KGD4: variants seen among roughly 807,000 people sequenced by gnomAD.
The protein encoded by KGD4 is alpha-ketoglutarate dehydrogenase component 4.
the KGD4 span, among the ~76,000 whole-genome samples, chr5:69,219,855 T>C: frequency 6.6e-6 from 1 of 152,166 alleles, no homozygotes; most frequent in Non-Finnish European, 1.5e-5. Context: ...TGTGCTAATA[T>C]TATGTAATAA....
the KGD4 span, among the ~76,000 whole-genome samples, chr5:69,218,452 ATGTGTGTGTGTATATTAATG>A: frequency 7.1e-6 from 1 of 139,936 alleles, no homozygotes; most frequent in African/African-American, 2.7e-5. Flanking sequence ...TTTAATTAGT[ATGTGTGTGTGTATATTAATG>A]TGTGTGTGTG....
chr5:69,222,814 CCTCT>C, the KGD4 span, among the ~76,000 whole-genome samples: 1 of 150,120 alleles, frequency 6.7e-6, no homozygotes, highest in Admixed American at 6.6e-5. Flanking sequence ...TGAGACAGAG[CCTCT>C]CTCTGTCACT....
At chr5:69,228,972 G>A in the KGD4 span, among the ~76,000 whole-genome samples, 1 of 128,044 alleles carries the variant, frequency 7.8e-6, no homozygotes, top group Admixed American at 9.9e-5. Context: ...CCAAGGTCAC[G>A]CCACTGCACT....
At chr5:69,226,351 A>T in the KGD4 span, 1 of 1,606,960 alleles carries the variant, frequency 6.2e-7, no homozygotes, top group East Asian at 2.2e-5. Context: ...GTCAAACCAC[A>T]CACTCCATTA....
chr5:69,223,932 C>T, the KGD4 span, among the ~76,000 whole-genome samples: 4 of 150,040 alleles, frequency 2.7e-5, no homozygotes, highest in South Asian at 2.1e-4. Context: ...ACTTGGGAGG[C>T]GGAGGCAGGA....
chr5:69,223,910 G>A, the KGD4 span, among the ~76,000 whole-genome samples: 1,495 of 151,870 alleles, frequency 9.8e-3, 34 homozygotes, highest in African/African-American at 0.035. Context: ...GCGGGCACCT[G>A]TAATCCCAGC....
chr5:69,225,127 TG>T, the KGD4 span, among the ~76,000 whole-genome samples: 1 of 150,084 alleles, frequency 6.7e-6, no homozygotes, highest in African/African-American at 2.4e-5. Flanking sequence ...TTCTTTGAGA[TG>T]GGGTCTCACT....
At chr5:69,224,526 A>G in the KGD4 span, among the ~76,000 whole-genome samples, 1 of 152,162 alleles carries the variant, frequency 6.6e-6, no homozygotes, top group Non-Finnish European at 1.5e-5. Context: ...AGTATTCTTT[A>G]ATTTTCTAAT....
At chr5:69,228,730 G>A in the KGD4 span, among the ~76,000 whole-genome samples, 1 of 152,020 alleles carries the variant, frequency 6.6e-6, no homozygotes, top group African/African-American at 2.4e-5. Flanking sequence ...GAATTGATAA[G>A]AGGGCTGGGC....
At chr5:69,225,010 G>C in the KGD4 span, among the ~76,000 whole-genome samples, 6 of 150,590 alleles carry the variant, frequency 4.0e-5, no homozygotes, top group Non-Finnish European at 7.4e-5. Flanking sequence ...GGAGGTGGAG[G>C]TTCCAGTGAG....
chr5:69,225,132 TCTCA>T, the KGD4 span, among the ~76,000 whole-genome samples: 9 of 148,516 alleles, frequency 6.1e-5, no homozygotes, highest in African/African-American at 2.0e-4. Flanking sequence ...TGAGATGGGG[TCTCA>T]CTCTGTTGCC....
At chr5:69,219,678 G>T in the KGD4 span, among the ~76,000 whole-genome samples, 2 of 151,898 alleles carry the variant, frequency 1.3e-5, no homozygotes, top group African/African-American at 4.8e-5. Flanking sequence ...TCAGGTTCGT[G>T]ATTGCGCTCT....
chr5:69,217,852 C>T, the KGD4 span: 10 of 1,613,972 alleles, frequency 6.2e-6, no homozygotes, highest in Non-Finnish European at 8.5e-6. Flanking sequence ...AAGATGGCGT[C>T]TGCTAGTAGG....
At chr5:69,221,036 T>C in the KGD4 span, among the ~76,000 whole-genome samples, 3 of 152,170 alleles carry the variant, frequency 2.0e-5, no homozygotes, top group African/African-American at 7.2e-5. Context: ...CCCAGGGACG[T>C]AAACACTGCG....
At chr5:69,229,179 A>G in the KGD4 span, 1 of 1,603,368 alleles carries the variant, frequency 6.2e-7, no homozygotes, top group Non-Finnish European at 8.5e-7. Flanking sequence ...TTAACATCTA[A>G]TCTTACTGCT....
chr5:69,226,248 A>G, the KGD4 span: 1 of 906,300 alleles, frequency 1.1e-6, no homozygotes, highest in Non-Finnish European at 1.7e-6. Flanking sequence ...TAAAATAGTA[A>G]TTTTAACAAA....
the KGD4 span, among the ~76,000 whole-genome samples, chr5:69,220,237 A>C: frequency 1.1e-4 from 16 of 152,080 alleles, no homozygotes; most frequent in African/African-American, 3.9e-4. Flanking sequence ...AAAAAAAAAA[A>C]ACAAAAAAAC....
chr5:69,224,033 A>G, the KGD4 span, among the ~76,000 whole-genome samples: 1 of 83,868 alleles, frequency 1.2e-5, no homozygotes, highest in East Asian at 2.5e-4. Flanking sequence ...ACTCTGTCTA[A>G]AAAAAAAAAA....
the KGD4 span, chr5:69,229,522 C>T: frequency 3.9e-6 from 1 of 253,320 alleles, no homozygotes. Flanking sequence ...CTATTAAAAG[C>T]ACACAATGTG....
Sources: allele counts gnomAD v4.1 joint callset (sites outside exome capture counted in the v4.1 genomes callset), GRCh38; gene constraint gnomAD v4.1.1; transcripts MANE v1.5; gene names NCBI Gene and HGNC (gene_info 2026-07-23, HGNC 2026-07-21).